The following MGAT4A variants were observed in gnomAD, a reference collection of about 807,000 sequenced individuals.
The protein encoded by MGAT4A is N-acetylglucosaminyltransferase IVa.
In MGAT4A, 33 loss-of-function variants were observed where a neutral mutation model predicts 74.1. That is an observed-to-expected ratio of 0.45 (90% CI 0.34 to 0.60). The LOEUF (loss-of-function observed/expected upper bound fraction) is 0.60. Among genes scored for constraint, MGAT4A ranks in the 20% least tolerant of loss-of-function variants. The pLI is 0.02. For synonymous variants in MGAT4A, 198 were observed against 210.4 expected (o/e 0.94, Z 0.51); for missense variants, 479 against 628.3 (o/e 0.76, Z 2.54).
chr2:98,641,951 C>A (rs995644754), intron 10 of MGAT4A, among the ~76,000 whole-genome samples: 5 of 150,086 alleles, frequency 3.3e-5, no homozygotes, highest in Non-Finnish European at 7.4e-5. Context: ...GCTGAGACTG[C>A]GCCATTGCAC....
chr2:98,661,150 T>C (rs1276333987), intron 5 of MGAT4A, among the ~76,000 whole-genome samples: 1 of 152,082 alleles, frequency 6.6e-6, no homozygotes, highest in Non-Finnish European at 1.5e-5. Context: ...CCAACAGATA[T>C]ACGAAAAATC....
At chr2:98,711,613 C>CA (rs1005593972) in intron 2 of MGAT4A, among the ~76,000 whole-genome samples, 38 of 147,730 alleles carry the variant, frequency 2.6e-4, no homozygotes, top group Middle Eastern at 7.1e-3. Flanking sequence ...GTTTGAAGTT[C>CA]AAAAAAAAAA....
At position 98,626,250 on chromosome 2, in the gene MGAT4A, G is replaced by T. The variant is rs114807655; in HGVS notation, c.1469-415C>A. Among the ~76,000 whole-genome samples the T allele has an allele frequency of 8.1e-3, 1,238 of 152,114 alleles. 20 individuals are homozygous for T. Among genetic ancestry groups the T allele is most frequent in the African/African-American group, 0.029 (1,192 of 41,464 alleles). On this transcript the variant is annotated intron_variant, in intron 14 of 15. Coordinates refer to ENST00000393487, the MANE Select transcript of MGAT4A (RefSeq NM_012214.3). ...AAATTTTGATTTGTTAATTAAATACGCACACAGTTGTTCACCTTGAGCAGG... is the reference window on the plus strand; with the variant it reads ...AAATTTTGATTTGTTAATTAAATACTCACACAGTTGTTCACCTTGAGCAGG...
chr2:98,630,780 T>G (rs1701219983), intron 14 of MGAT4A, among the ~76,000 whole-genome samples: 1 of 152,164 alleles, frequency 6.6e-6, no homozygotes, highest in South Asian at 2.1e-4. Flanking sequence ...GAACTGCCTC[T>G]CAGAAGCAGT....
intron 14 of MGAT4A, among the ~76,000 whole-genome samples, chr2:98,633,052 C>T (rs1701266031): frequency 6.6e-6 from 1 of 152,218 alleles, no homozygotes; most frequent in Admixed American, 6.5e-5. Context: ...GCCACTGCGC[C>T]CAGCCAAGCC....
intron 2 of MGAT4A, among the ~76,000 whole-genome samples, chr2:98,695,964 C>T (rs941179034): frequency 1.1e-4 from 17 of 151,616 alleles, no homozygotes; most frequent in East Asian, 3.9e-4. Context: ...CTGCAACCTC[C>T]GCCTCCCAGG....
rs1701128800 is a variant in MGAT4A at position 98,625,395 on chromosome 2, A to G, written c.*171T>C. ...AAAATCTGAGGACAGCTTAGTTTCAAACAAATACAATTATTATGGGAGATT... is the reference window on the plus strand; with the variant it reads ...AAAATCTGAGGACAGCTTAGTTTCAGACAAATACAATTATTATGGGAGATT... On this transcript the variant is annotated 3_prime_UTR_variant, in exon 16 of 16. Coordinates refer to ENST00000393487, the MANE Select transcript of MGAT4A (RefSeq NM_012214.3). 1.4e-6 allele frequency: 2 copies of G among 1,439,606 alleles called. No homozygotes were observed. Among genetic ancestry groups the G allele is most frequent in the African/African-American group, 2.9e-5 (2 of 69,188 alleles). 89.2% of individuals were successfully genotyped at this position (1,439,606 alleles called of 1,614,324 possible).
chr2:98,643,595 T>C (rs922800724), intron 10 of MGAT4A, among the ~76,000 whole-genome samples: 3 of 152,130 alleles, frequency 2.0e-5, no homozygotes, highest in Non-Finnish European at 4.4e-5. Context: ...ACAGGAAATA[T>C]GAAGAAAACA....
chr2:98,708,898 T>C (rs544119813), intron 2 of MGAT4A, among the ~76,000 whole-genome samples: 3 of 152,348 alleles, frequency 2.0e-5, no homozygotes, highest in African/African-American at 4.8e-5. Flanking sequence ...AGAAATCACA[T>C]TGGGTGACAG....
At position 98,625,095 on chromosome 2, in the gene MGAT4A, ACTT is replaced by A. The variant is rs886116262; in HGVS notation, c.*468_*470del. The A allele has an allele frequency of 1.1e-4, 101 of 948,842 alleles. No individual in the cohort carries two copies. The highest frequency in any genetic ancestry group is 3.5e-4 in the East Asian group (3 of 8,640). The allele number at this position is 948,842 out of a possible 1,614,324, so 58.8% of individuals were successfully genotyped here. On this transcript the variant is annotated 3_prime_UTR_variant, in exon 16 of 16. Coordinates refer to ENST00000393487, the MANE Select transcript of MGAT4A (RefSeq NM_012214.3). ...AAAAATCTACTGCACAAAAATATGT[ACTT>A]CTTAAGTGTTTCTAATAAATTAATT... is the stretch of plus-strand genomic sequence containing the variant.
intron 8 of MGAT4A, among the ~76,000 whole-genome samples, chr2:98,648,722 C>CA (rs1339443335): frequency 0.015 from 1,839 of 121,620 alleles, 21 homozygotes; most frequent in East Asian, 0.05. Context: ...ACCCTGTCTC[C>CA]AAAAAAAAAA....
intron 2 of MGAT4A, among the ~76,000 whole-genome samples, chr2:98,689,344 A>G (rs1330613598): frequency 1.3e-5 from 2 of 152,230 alleles, no homozygotes; most frequent in Middle Eastern, 3.2e-3. Flanking sequence ...AGGTAGTATC[A>G]CTATAGACTC....
At position 98,726,498 on chromosome 2, in the gene MGAT4A, T is replaced by C; in HGVS notation, c.-166A>G. On this transcript the variant is annotated 5_prime_UTR_variant, in exon 2 of 16. Transcript: ENST00000393487. ...ATCTGCAGGAGGAGCCTAGCAGCAA[T>C]GCTGTTCACAACTGTACTCGGGATC... 1.8e-6 allele frequency: 1 copy of C among 566,486 alleles called. No individual in the cohort carries two copies. The highest frequency in any genetic ancestry group is 3.1e-6 in the Non-Finnish European group (1 of 319,326). The allele number at this position is 566,486 out of a possible 1,614,324, so 35.1% of individuals were successfully genotyped here.
At chr2:98,641,718 G>A (rs575003763) in intron 10 of MGAT4A, among the ~76,000 whole-genome samples, 16 of 151,664 alleles carry the variant, frequency 1.1e-4, no homozygotes, top group South Asian at 2.1e-4. Context: ...ATTAGCAGCC[G>A]GCTTGGTGGC....
At chr2:98,730,483 G>A (rs1440129110) in intron 1 of MGAT4A, among the ~76,000 whole-genome samples, 1 of 152,208 alleles carries the variant, frequency 6.6e-6, no homozygotes, top group East Asian at 1.9e-4. Context: ...CCCTGCGAAG[G>A]CTGCACGGCC....
intron 2 of MGAT4A, among the ~76,000 whole-genome samples, chr2:98,689,973 G>A (rs1168929376): frequency 6.6e-6 from 1 of 151,684 alleles, no homozygotes; most frequent in Non-Finnish European, 1.5e-5. Flanking sequence ...ATGGGAACTA[G>A]AAAAGTCGGC....
chr2:98,691,603 A>G (rs995187085), intron 2 of MGAT4A, among the ~76,000 whole-genome samples: 10 of 152,230 alleles, frequency 6.6e-5, no homozygotes, highest in Admixed American at 1.3e-4. Flanking sequence ...ACATACAATT[A>G]TGTACAGTAC....
chr2:98,687,564 T>C (rs1702146146), intron 2 of MGAT4A, among the ~76,000 whole-genome samples: 1 of 152,076 alleles, frequency 6.6e-6, no homozygotes, highest in Non-Finnish European at 1.5e-5. Flanking sequence ...CTCCTAATAT[T>C]CTTCTGCAAA....
At chr2:98,659,551 A>G (rs1297903776) in intron 5 of MGAT4A, among the ~76,000 whole-genome samples, 1 of 152,136 alleles carries the variant, frequency 6.6e-6, no homozygotes, top group Non-Finnish European at 1.5e-5. Context: ...CATAATTCCC[A>G]TGTGTTCTGG....
Sources: allele counts gnomAD v4.1 joint callset (sites outside exome capture counted in the v4.1 genomes callset), GRCh38; gene constraint gnomAD v4.1.1; transcripts MANE v1.5; gene names NCBI Gene and HGNC (gene_info 2026-07-23, HGNC 2026-07-21).